Variants in SORBS2 observed in about 807,000 individuals in gnomAD.
The protein encoded by SORBS2 is sorbin and SH3 domain containing 2.
Under a neutral mutation model 97.7 loss-of-function variants are expected in SORBS2, and 46 were observed. That is an observed-to-expected ratio of 0.47 (90% CI 0.37 to 0.60). The LOEUF (loss-of-function observed/expected upper bound fraction) is 0.60. Among genes scored for constraint, SORBS2 ranks in the 20% least tolerant of loss-of-function variants. SORBS2 has a pLI of 0.00. For synonymous variants in SORBS2, 476 were observed against 473.4 expected (o/e 1.01, Z -0.07); for missense variants, 1,316 against 1,282.3 (o/e 1.03, Z -0.40).
chr4:185,680,876 G>A (rs4862561), intron 2 of SORBS2, among the ~76,000 whole-genome samples: 140,996 of 152,078 alleles, frequency 0.93, 65,379 homozygotes, highest in African/African-American at 0.96. Context: ...AGCCCCAGGA[G>A]ACGGTAAGTG....
At chr4:185,888,059 ATAT>A (rs148021041) in intron 1 of SORBS2, among the ~76,000 whole-genome samples, 5 of 148,838 alleles carry the variant, frequency 3.4e-5, no homozygotes, top group Admixed American at 2.0e-4. Context: ...CTGACATTCT[ATAT>A]TATTATTATT....
At chr4:185,613,251 G>A (rs2096569951) in intron 11 of SORBS2, among the ~76,000 whole-genome samples, 1 of 152,180 alleles carries the variant, frequency 6.6e-6, no homozygotes, top group Admixed American at 6.5e-5. Flanking sequence ...TGCTACCCAA[G>A]AAGAACTTCG....
chr4:185,589,758 G>T, exon 14 of SORBS2: 7 of 1,609,548 alleles, frequency 4.3e-6, no homozygotes, highest in Non-Finnish European at 6.0e-6. Flanking sequence ...CTTCATTCCT[G>T]GGAGTATAGT....
At chr4:185,706,624 TCTG>T (rs1309707516) in intron 2 of SORBS2, among the ~76,000 whole-genome samples, 2 of 152,206 alleles carry the variant, frequency 1.3e-5, no homozygotes, top group Admixed American at 6.5e-5. Context: ...CCAGATGACT[TCTG>T]CTGTTATAAC....
chr4:185,921,503 A>G (rs1045539077), intron 1 of SORBS2, among the ~76,000 whole-genome samples: 2 of 152,192 alleles, frequency 1.3e-5, no homozygotes, highest in Admixed American at 6.5e-5. Context: ...ATGTCACACA[A>G]CAAAATATGG....
intron 2 of SORBS2, among the ~76,000 whole-genome samples, chr4:185,704,822 T>G (rs2098319672): frequency 6.6e-6 from 1 of 152,180 alleles, no homozygotes; most frequent in Admixed American, 6.5e-5. Context: ...AGATAAGCAT[T>G]TCTAGTCCTT....
intron 1 of SORBS2, among the ~76,000 whole-genome samples, chr4:185,896,536 A>G (rs1381057039): frequency 6.6e-6 from 1 of 152,236 alleles, no homozygotes; most frequent in Non-Finnish European, 1.5e-5. Context: ...GTGAGCCAAG[A>G]TCGCGCCACT....
intron 1 of SORBS2, among the ~76,000 whole-genome samples, chr4:185,827,069 C>CAAT (rs2099200401): frequency 1.4e-5 from 2 of 141,806 alleles, no homozygotes; most frequent in Admixed American, 1.4e-4. Flanking sequence ...ATCATCATCA[C>CAAT]CATCATCATC....
At chr4:185,777,272 C>G (rs2099004513) in intron 1 of SORBS2, among the ~76,000 whole-genome samples, 1 of 152,088 alleles carries the variant, frequency 6.6e-6, no homozygotes, top group South Asian at 2.1e-4. Context: ...TTTCTTTTCA[C>G]TTATTTTAAA....
chr4:185,917,489 AC>A (rs2099258828), intron 1 of SORBS2, among the ~76,000 whole-genome samples: 1 of 152,054 alleles, frequency 6.6e-6, no homozygotes, highest in Admixed American at 6.6e-5. Context: ...CGGCCTCCCA[AC>A]CTGCTGGGAT....
chr4:185,946,121 A>C (rs1237582761), intron 1 of SORBS2, among the ~76,000 whole-genome samples: 1 of 130,708 alleles, frequency 7.7e-6, no homozygotes, highest in African/African-American at 2.9e-5. Flanking sequence ...TTGGGTTTCT[A>C]TGCATGTGTG....
At chr4:185,704,464 A>G (rs1358764310) in intron 2 of SORBS2, among the ~76,000 whole-genome samples, 1 of 151,806 alleles carries the variant, frequency 6.6e-6, no homozygotes, top group African/African-American at 2.4e-5. Context: ...GATCGCAGGC[A>G]TGCACCATCA....
At chr4:185,871,099 T>G (rs1249153256) in intron 1 of SORBS2, among the ~76,000 whole-genome samples, 1 of 152,168 alleles carries the variant, frequency 6.6e-6, no homozygotes, top group Non-Finnish European at 1.5e-5. Context: ...CAGAGTCTAT[T>G]CCCCTGTAAT....
chr4:185,876,402 C>G (rs1280434798), intron 1 of SORBS2, among the ~76,000 whole-genome samples: 1 of 152,150 alleles, frequency 6.6e-6, no homozygotes, highest in African/African-American at 2.4e-5. Context: ...GCCACCATAC[C>G]TGGCCTAGTT....
Position 185,898,125 on chromosome 4 carries a change from T to C in SORBS2, c.-338+58071A>G, listed in dbSNP as rs115302310. ...AAAGTGACTATAATCCAACCACTTT[T>C]TGACGTCTAAATAAACTTGTGCCTT... On this transcript the variant is annotated intron_variant, in intron 1 of 20. Coordinates refer to the SORBS2 transcript ENST00000284776. 1.4e-3 allele frequency among the ~76,000 whole-genome samples: 206 copies of C among 152,348 alleles called. 1 individual carries two copies. Among genetic ancestry groups the C allele is most frequent in the African/African-American group, 4.6e-3 (193 of 41,584 alleles).
chr4:185,634,418 A>G (rs1561552020), intron 4 of SORBS2, among the ~76,000 whole-genome samples: 1 of 152,110 alleles, frequency 6.6e-6, no homozygotes, highest in Non-Finnish European at 1.5e-5. Flanking sequence ...AATGTGCAAA[A>G]AACAGTTTAT....
intron 1 of SORBS2, among the ~76,000 whole-genome samples, chr4:185,867,246 G>A (rs1366019890): frequency 6.6e-6 from 1 of 152,130 alleles, no homozygotes; most frequent in East Asian, 1.9e-4. Flanking sequence ...TCCTGGCCTC[G>A]TGATCCGCCC....
At chr4:185,810,024 C>T (rs182014976) in intron 1 of SORBS2, among the ~76,000 whole-genome samples, 7 of 152,288 alleles carry the variant, frequency 4.6e-5, no homozygotes, top group Non-Finnish European at 1.0e-4. Context: ...TATAGAATCC[C>T]TTACTTAGCT....
intron 1 of SORBS2, among the ~76,000 whole-genome samples, chr4:185,889,900 TC>T (rs1395055337): frequency 2.0e-5 from 3 of 152,196 alleles, no homozygotes; most frequent in Non-Finnish European, 4.4e-5. Flanking sequence ...TTCTTTTTTT[TC>T]TTTGAGACAC....
Sources: allele counts gnomAD v4.1 joint callset (sites outside exome capture counted in the v4.1 genomes callset), GRCh38; gene constraint gnomAD v4.1.1; transcripts MANE v1.5; gene names NCBI Gene and HGNC (gene_info 2026-07-23, HGNC 2026-07-21).